The following GRM1 variants were observed in gnomAD, a reference collection of about 807,000 sequenced individuals.
GRM1 encodes the protein glutamate metabotropic receptor 1, also known as metabotropic glutamate receptor 1.
In GRM1, 33 loss-of-function variants were observed where a neutral mutation model predicts 90.9. The ratio of observed to expected loss-of-function variants is 0.36; its 90% CI spans 0.28 to 0.49. The LOEUF is 0.49. GRM1 is among the 20% of genes least tolerant of loss of function. The pLI is 0.99. For missense variants in GRM1, 1,190 were observed against 1,534.3 expected (o/e 0.78, Z 3.75); for synonymous variants, 700 against 613.2 (o/e 1.14, Z -2.09).
intron 2 of GRM1, among the ~76,000 whole-genome samples, chr6:146,161,492 T>C (rs1777725177): frequency 6.6e-6 from 1 of 152,190 alleles, no homozygotes; most frequent in Non-Finnish European, 1.5e-5. Flanking sequence ...TGTTTGTTTA[T>C]GTGCTTGTCT....
intron 3 of GRM1, among the ~76,000 whole-genome samples, chr6:146,324,920 T>G (rs900285836): frequency 1.3e-5 from 2 of 152,180 alleles, no homozygotes; most frequent in Non-Finnish European, 2.9e-5. Flanking sequence ...ATTTTAACTG[T>G]CAAAATTACT....
At chr6:146,204,601 AT>A (rs1487750475) in intron 2 of GRM1, among the ~76,000 whole-genome samples, 1 of 152,184 alleles carries the variant, frequency 6.6e-6, no homozygotes, top group East Asian at 1.9e-4. Flanking sequence ...TCAGAACTTC[AT>A]TTTTAAATAA....
chr6:146,324,372 G>A lies in GRM1; in HGVS notation c.1186+19526G>A, dbSNP rs567930506. On this transcript the variant is annotated intron_variant, in intron 3 of 7. Transcript: ENST00000282753. Reference sequence around the variant, plus strand: ...CCTGAGCTAGACCAATTGGCTCCCTGGCTTCAGCCCCCTTTCCAGGGGAGT... The same window carrying A: ...CCTGAGCTAGACCAATTGGCTCCCTAGCTTCAGCCCCCTTTCCAGGGGAGT... 2.0e-5 allele frequency among the ~76,000 whole-genome samples: 3 copies of A among 152,100 alleles called. No individual in the cohort carries two copies. The South Asian group carries it at 6.2e-4, about 32-fold the overall frequency.
At chr6:146,294,952 G>T (rs1358768647) in intron 2 of GRM1, among the ~76,000 whole-genome samples, 6 of 151,742 alleles carry the variant, frequency 4.0e-5, no homozygotes, top group South Asian at 4.2e-4. Context: ...AAAAGATATC[G>T]ATGTTTTTCT....
rs187278032 is a variant in GRM1, at chr6:146,196,647, A to G, written c.950+37050A>G. Among the ~76,000 whole-genome samples the G allele has an allele frequency of 3.9e-5, 6 of 151,982 alleles. No individual in the cohort carries two copies. In the East Asian group the frequency reaches 7.8e-4, roughly 20 times the overall value. The stretch of plus-strand genomic sequence containing the variant: ...GTGTGATCCCTTTAAGGGGACCCAT[A>G]TTAGTGCCACCTGGGAACTTGTTAG... On this transcript the variant is annotated intron_variant, in intron 2 of 7. Transcript: ENST00000282753.
intron 3 of GRM1, among the ~76,000 whole-genome samples, chr6:146,347,288 A>G (rs1785219425): frequency 6.6e-6 from 1 of 152,192 alleles, no homozygotes. Context: ...GCTGCCTAAT[A>G]GGGAGTGCCT....
Position 146,236,572 on chromosome 6 carries a change from C to A in GRM1, c.951-68039C>A, listed in dbSNP as rs374095124. Among the ~76,000 whole-genome samples, 55 of 152,102 alleles carry A rather than the reference C, an allele frequency of 3.6e-4. 1 individual carries two copies. On this transcript the variant is annotated intron_variant, in intron 2 of 7. Coordinates refer to ENST00000282753, the MANE Select transcript of GRM1 (RefSeq NM_001278064.2). ...CTTTGTCTGCATCTCAGGGATAGAGCCTTCTCAAGGGTTCTTCTTCTCCCT... is the reference window on the plus strand; with the variant it reads ...CTTTGTCTGCATCTCAGGGATAGAGACTTCTCAAGGGTTCTTCTTCTCCCT...
At chr6:146,173,698 G>A (rs1395792293) in intron 2 of GRM1, among the ~76,000 whole-genome samples, 1 of 141,042 alleles carries the variant, frequency 7.1e-6, no homozygotes, top group East Asian at 2.1e-4. Flanking sequence ...ACAGAGTCTC[G>A]CCCTGTTGCC....
At chr6:146,394,764 G>A (rs1402856663) in intron 6 of GRM1, among the ~76,000 whole-genome samples, 2 of 152,030 alleles carry the variant, frequency 1.3e-5, no homozygotes, top group Admixed American at 6.6e-5. Flanking sequence ...ACAGGGGAAC[G>A]CTTAAACAGA....
chr6:146,250,482 A>C (rs1781231545), intron 2 of GRM1, among the ~76,000 whole-genome samples: 1 of 152,144 alleles, frequency 6.6e-6, no homozygotes, highest in Non-Finnish European at 1.5e-5. Context: ...CCATCCTTCC[A>C]TGATGTGAAG....
intron 7 of GRM1, among the ~76,000 whole-genome samples, chr6:146,410,272 TAC>T (rs1777513045): frequency 6.6e-6 from 1 of 152,110 alleles, no homozygotes; most frequent in Non-Finnish European, 1.5e-5. Flanking sequence ...TTAAAAAAAA[TAC>T]AGAGTCGACT....
intron 1 of GRM1, among the ~76,000 whole-genome samples, chr6:146,072,456 C>G (rs1776046889): frequency 6.6e-6 from 1 of 152,122 alleles, no homozygotes; most frequent in Non-Finnish European, 1.5e-5. Flanking sequence ...ATGGATAAAA[C>G]TTTTTACTTT....
intron 1 of GRM1, among the ~76,000 whole-genome samples, chr6:146,086,818 C>T (rs1228942125): frequency 6.6e-6 from 1 of 152,042 alleles, no homozygotes; most frequent in Non-Finnish European, 1.5e-5. Context: ...GGATAGTAGT[C>T]ATTCCCTACT....
chr6:146,322,570 C>CTTTCTTTTCT (rs1479978459), intron 3 of GRM1, among the ~76,000 whole-genome samples: 268 of 109,994 alleles, frequency 2.4e-3, no homozygotes, highest in African/African-American at 0.015. Flanking sequence ...GGGCTGCTGC[C>CTTTCTTTTCT]TTTCTTTTAT....
chr6:146,027,793 G>T (rs1441378440), upstream of GRM1: 3 of 152,246 alleles, frequency 2.0e-5, no homozygotes, highest in Admixed American at 1.3e-4. Flanking sequence ...AGGTACTCAG[G>T]TATGTCTCAA....
At chr6:146,131,027 C>T (rs992494285) in intron 1 of GRM1, among the ~76,000 whole-genome samples, 2 of 152,134 alleles carry the variant, frequency 1.3e-5, no homozygotes, top group African/African-American at 4.8e-5. Flanking sequence ...CTCTTTCCCC[C>T]AAGGCCTACC....
intron 1 of GRM1, among the ~76,000 whole-genome samples, chr6:146,056,590 G>T (rs146319165): frequency 6.6e-6 from 1 of 151,948 alleles, no homozygotes; most frequent in Non-Finnish European, 1.5e-5. Flanking sequence ...TCGAACCTTC[G>T]GCATGTCACG....
chr6:146,267,697 G>GTCTCGT (rs1781962434), intron 2 of GRM1, among the ~76,000 whole-genome samples: 12 of 110,534 alleles, frequency 1.1e-4, no homozygotes, highest in African/African-American at 4.2e-4. Flanking sequence ...GCTCGGCTCG[G>GTCTCGT]CTCGGCTCGT....
chr6:146,108,548 T>A (rs755621673), intron 1 of GRM1, among the ~76,000 whole-genome samples: 5 of 152,200 alleles, frequency 3.3e-5, no homozygotes, highest in Non-Finnish European at 7.3e-5. Context: ...TAAACCTCTT[T>A]CTTTCATAAA....
Sources: allele counts gnomAD v4.1 joint callset (sites outside exome capture counted in the v4.1 genomes callset), GRCh38; gene constraint gnomAD v4.1.1; transcripts MANE v1.5; gene names NCBI Gene and HGNC (gene_info 2026-07-23, HGNC 2026-07-21).